Variants in DCAF6 observed in about 807,000 individuals in gnomAD.
DCAF6 encodes DDB1 and CUL4 associated factor 6, also known as DDB1- and CUL4-associated factor 6.
Under a neutral mutation model 125.1 loss-of-function variants are expected in DCAF6, and 54 were observed. The ratio of observed to expected loss-of-function variants is 0.43; its 90% CI spans 0.35 to 0.54. The LOEUF (loss-of-function observed/expected upper bound fraction) is 0.54, where lower values mean the gene tolerates loss of function less well. Among genes scored for constraint, DCAF6 ranks in the 20% least tolerant of loss-of-function variants. DCAF6 has a pLI of 0.01. For synonymous variants in DCAF6, 371 were observed against 390.4 expected, an observed-to-expected ratio of 0.95 and a Z score of 0.58; for missense variants, 934 against 1,161.7, an observed-to-expected ratio of 0.80 and a Z score of 2.85.
At chr1:167,882,164 C>T in the DCAF6 span, among the ~76,000 whole-genome samples, 1 of 152,218 alleles carries the variant, frequency 6.6e-6, no homozygotes, top group African/African-American at 2.4e-5. Context: ...ATTTGTTCAT[C>T]ACATCACTTT....
At chr1:167,972,345 A>G (rs760646456) in intron 3 of DCAF6, among the ~76,000 whole-genome samples, 7 of 152,268 alleles carry the variant, frequency 4.6e-5, no homozygotes, top group Non-Finnish European at 1.0e-4. Flanking sequence ...AATTCTTTGA[A>G]CAATTATTCA....
At chr1:167,947,595 T>A (rs930308170) in intron 1 of DCAF6, among the ~76,000 whole-genome samples, 4 of 152,212 alleles carry the variant, frequency 2.6e-5, no homozygotes, top group African/African-American at 7.2e-5. Flanking sequence ...AACATTTTTT[T>A]AAATTTCTGT....
chr1:168,043,061 C>A lies in DCAF6; in HGVS notation c.1764C>A (p.Ser588Arg). Reference sequence around the variant, plus strand: ...CATCAAGTTCTAGAGGAATTGGGAGCCATTGCAAATCTGAGGGTCAGGAGG... The same window carrying A: ...CATCAAGTTCTAGAGGAATTGGGAGACATTGCAAATCTGAGGGTCAGGAGG... ...SIASSSRGIG[S>R]HCKSEGQEES... The change falls in exon 14 of 22, where the codon AGC becomes AGA. Residue 588 changes from serine (S) to arginine (R), a missense_variant. Physicochemically the swap from Ser to Arg is moderately radical, Grantham distance 110. Transcript: ENST00000367840. 2 of 1,612,532 alleles carry A rather than the reference C, an allele frequency of 1.2e-6. No homozygotes were observed. Among genetic ancestry groups the A allele is most frequent in the Non-Finnish European group, 1.7e-6 (2 of 1,179,176 alleles).
In DCAF6 at chr1:168,023,026, A is replaced by G. The variant is rs1685856337; in HGVS notation, c.1588A>G (p.Met530Val). ...SSVVNKQLGS[M>V]SLDEQQDNNN... ...TGTGGTTAACAAACAGCTCGGATCC[A>G]TGTCACTTGACGAGCAACAGGGTGC... Residue 530 changes from methionine (M) to valine (V), a missense_variant, in exon 12 of 22, where the codon ATG becomes GTG. By Grantham distance (21) the Met-to-Val change is conservative. Around this residue, in one of 5 missense-constraint regions of DCAF6, gnomAD observed 559 missense variants for 635.5 expected, o/e 0.88. Coordinates refer to ENST00000367840, the MANE Select transcript of DCAF6 (RefSeq NM_001198956.2). 6.2e-7 allele frequency: 1 copy of G among 1,614,196 alleles called. No individual in the cohort carries two copies. The highest frequency in any genetic ancestry group is 2.2e-5 in the East Asian group (1 of 44,886).
intron 17 of DCAF6, among the ~76,000 whole-genome samples, chr1:168,054,078 T>C (rs570776833): frequency 6.6e-6 from 1 of 152,344 alleles, no homozygotes; most frequent in East Asian, 1.9e-4. Flanking sequence ...TGTAAAGATA[T>C]ATGTTGAAAT....
At chr1:168,026,620 G>A (rs1249366060) in intron 12 of DCAF6, among the ~76,000 whole-genome samples, 1 of 152,080 alleles carries the variant, frequency 6.6e-6, no homozygotes, top group African/African-American at 2.4e-5. Flanking sequence ...ATGATAACCA[G>A]GTGTCTTGAT....
chr1:168,053,209 G>C (rs1044244542), intron 17 of DCAF6, among the ~76,000 whole-genome samples: 1 of 151,910 alleles, frequency 6.6e-6, no homozygotes, highest in Non-Finnish European at 1.5e-5. Context: ...TATACCTACT[G>C]TACTACCTAT....
chr1:167,968,481 C>T (rs1453080637), intron 3 of DCAF6: 1 of 152,252 alleles, frequency 6.6e-6, no homozygotes, highest in Non-Finnish European at 1.5e-5. Context: ...TGGTGGAACA[C>T]CTCTCTCTAG....
intron 4 of DCAF6, among the ~76,000 whole-genome samples, chr1:167,980,763 A>C (rs1678984445): frequency 1.3e-5 from 2 of 152,090 alleles, no homozygotes; most frequent in African/African-American, 4.8e-5. Context: ...CATGGTTCAC[A>C]AATATTTTCA....
chr1:167,900,096 A>G, the DCAF6 span, among the ~76,000 whole-genome samples: 16,321 of 152,240 alleles, frequency 0.11, 997 homozygotes, highest in African/African-American at 0.17. Context: ...CCCAACAACC[A>G]TTTCTCTCAT....
chr1:167,866,480 G>A, the DCAF6 span, among the ~76,000 whole-genome samples: 1 of 143,242 alleles, frequency 7.0e-6, no homozygotes, highest in South Asian at 2.2e-4. Context: ...ACTCAGGTCG[G>A]CCCCAGCCCT....
chr1:167,981,313 T>C (rs1454254774), intron 4 of DCAF6, among the ~76,000 whole-genome samples: 1 of 152,356 alleles, frequency 6.6e-6, no homozygotes. Context: ...CTAAGTTCAT[T>C]CTTTTGCATG....
chr1:168,033,554 T>A (rs1299082619), intron 12 of DCAF6, among the ~76,000 whole-genome samples: 3 of 151,972 alleles, frequency 2.0e-5, no homozygotes, highest in Admixed American at 1.3e-4. Context: ...TCTGACCTCA[T>A]GATCCACCCG....
intron 2 of DCAF6, among the ~76,000 whole-genome samples, chr1:167,964,769 G>A (rs771509803): frequency 6.6e-6 from 1 of 152,002 alleles, no homozygotes; most frequent in Non-Finnish European, 1.5e-5. Context: ...AGTTTTGTAC[G>A]TTTTTATTGA....
intron 17 of DCAF6, chr1:168,056,510 A>G: frequency 7.6e-6 from 2 of 262,980 alleles, no homozygotes; most frequent in East Asian, 2.6e-4. Context: ...TTAAGTTTTT[A>G]ATAATAAATT....
At chr1:168,009,578 C>T (rs867479395) in intron 10 of DCAF6, among the ~76,000 whole-genome samples, 2 of 147,800 alleles carry the variant, frequency 1.4e-5, no homozygotes, top group South Asian at 4.4e-4. Flanking sequence ...CCATCTTTCT[C>T]TCTTTCCTGT....
At chr1:167,937,650 A>G (rs769860417) in intron 1 of DCAF6, among the ~76,000 whole-genome samples, 3 of 152,220 alleles carry the variant, frequency 2.0e-5, no homozygotes, top group African/African-American at 7.2e-5. Context: ...ACCCCTGGAA[A>G]ACACACTTGG....
intron 12 of DCAF6, among the ~76,000 whole-genome samples, chr1:168,027,757 G>T (rs1371421300): frequency 2.6e-5 from 4 of 151,772 alleles, no homozygotes; most frequent in Non-Finnish European, 5.9e-5. Flanking sequence ...TTTTTTCTTT[G>T]AATAACTGTA....
At chr1:168,037,536 C>G (rs970789653) in intron 12 of DCAF6, among the ~76,000 whole-genome samples, 4 of 152,008 alleles carry the variant, frequency 2.6e-5, no homozygotes, top group Non-Finnish European at 4.4e-5. Context: ...ATGTAAAGCT[C>G]TGTTTAATTA....
Sources: allele counts gnomAD v4.1 joint callset (sites outside exome capture counted in the v4.1 genomes callset), GRCh38; gene constraint gnomAD v4.1.1; regional missense constraint gnomAD v4.1.1; transcripts MANE v1.5; gene names NCBI Gene and HGNC (gene_info 2026-07-23, HGNC 2026-07-21).